The following SRRT variants were observed in gnomAD, a reference collection of about 807,000 sequenced individuals.
SRRT encodes the protein serrate RNA effector molecule homolog.
SRRT carries 32 observed loss-of-function variants against 103.2 expected under a neutral mutation model. That is an observed-to-expected ratio of 0.31 (90% CI 0.23 to 0.42). SRRT has a LOEUF of 0.42. SRRT is among the 10% of genes least tolerant of loss of function. SRRT has a pLI of 1.00. For synonymous variants in SRRT, 525 were observed against 449.0 expected (o/e 1.17, Z -2.14); for missense variants, 986 against 1,207.5 (o/e 0.82, Z 2.72).
Position 100,884,851 on chromosome 7 carries a change from T to C in SRRT, c.1041+13T>C, listed in dbSNP as rs926298052. 3.7e-6 allele frequency: 6 copies of C among 1,613,774 alleles called. No homozygotes were observed. The highest frequency in any genetic ancestry group is 1.1e-5 in the South Asian group (1 of 91,034). On this transcript the variant is annotated intron_variant, in intron 8 of 19. Transcript: ENST00000611405. Reference sequence around the variant, plus strand: ...GGAAGCCAAAAAGGTGAGGTGTCTGTGGCCTGGGGTCAGAGTGTTGGGGCT... The same window carrying C: ...GGAAGCCAAAAAGGTGAGGTGTCTGCGGCCTGGGGTCAGAGTGTTGGGGCT...
At chr7:100,886,140 C>T (rs550706424) in intron 12 of SRRT, 107 bp from the exon 13 acceptor site, 24 of 1,368,534 alleles carry the variant, frequency 1.8e-5, no homozygotes, top group East Asian at 7.1e-5. Context: ...CCAGGGAGCT[C>T]GCAGTCTGAT....
At position 100,888,636 on chromosome 7, in the gene SRRT, T is replaced by C; in HGVS notation, c.*87T>C. 3 of 1,552,234 alleles carry C rather than the reference T, an allele frequency of 1.9e-6. No homozygotes were observed. The highest frequency in any genetic ancestry group is 2.7e-6 in the Non-Finnish European group (3 of 1,125,182). ...CTGAGAATTTTTTGTACGATCAGCC[T>C]TACTGCTAATAAAAGCACTTCCACA... is the stretch of plus-strand genomic sequence containing the variant. On this transcript the variant is annotated 3_prime_UTR_variant, in exon 20 of 20. Coordinates refer to ENST00000611405, the MANE Select transcript of SRRT (RefSeq NM_015908.6).
Position 100,882,298 on chromosome 7 carries a change from G to T in SRRT, c.587+57G>T. The T allele has an allele frequency of 6.4e-7, 1 of 1,574,272 alleles. No homozygotes were observed. Among genetic ancestry groups the T allele is most frequent in the Non-Finnish European group, 8.7e-7 (1 of 1,154,138 alleles). ...CTGGCATGTCCCCCTGGCCCCGCTG[G>T]TGGAGCCACAGCCCTGTCCTCTTCC... On this transcript the variant is annotated intron_variant, in intron 5 of 19. Transcript: ENST00000611405. This position sits in a 1 kb window ranked among gnomAD's most constrained non-coding sequence, Gnocchi z 4.2.
intron 4 of SRRT, 85 bp downstream of exon 4, chr7:100,881,890 G>T (rs562831046): frequency 1.3e-6 from 2 of 1,513,580 alleles, no homozygotes; most frequent in East Asian, 2.3e-5. Flanking sequence ...GCCAGGGAGC[G>T]GGTCAGGCAC....
chr7:100,877,535 T>G (rs1815863870), intron 2 of SRRT, among the ~76,000 whole-genome samples: 1 of 151,966 alleles, frequency 6.6e-6, no homozygotes, highest in African/African-American at 2.4e-5. Flanking sequence ...AAAAAATTTT[T>G]TTTTGACACA....
chr7:100,875,283 A>G lies in SRRT; in HGVS notation c.-64A>G, dbSNP rs1815556644. On this transcript the variant is annotated 5_prime_UTR_variant, in exon 1 of 20. Transcript: ENST00000611405. ...CGCCCGCGACCCAGGTCGCCCTGAA[A>G]TCTAGCCCGTCCGAGCGCGAGTCCA... is the stretch of plus-strand genomic sequence containing the variant. 1 of 871,686 alleles carries G rather than the reference A, an allele frequency of 1.1e-6. No individual in the cohort carries two copies. The highest frequency in any genetic ancestry group is 1.5e-6 in the Non-Finnish European group (1 of 664,346). The allele number at this position is 871,686 out of a possible 1,614,324, so 54.0% of individuals were successfully genotyped here.
rs766065934 is a variant in SRRT, at chr7:100,888,377, G to A, written c.2549G>A (p.Arg850His). 41 of 1,613,790 alleles carry A rather than the reference G, an allele frequency of 2.5e-5. 1 individual carries two copies. Among genetic ancestry groups the A allele is most frequent in the Non-Finnish European group, 3.5e-5 (41 of 1,179,816 alleles). ...CAGGGAGGTTATCCTGGGAAACCTC[G>A]CAACAGGTGAGGAGGGCAGACGCCC... ...RGQGGYPGKP[R>H]NRMVRGDPRA... Residue 850 changes from arginine (R) to histidine (H), a missense_variant, in exon 19 of 20, where the codon CGC becomes CAC. Arg to His is a conservative substitution (Grantham distance 29). Transcript: ENST00000611405.
In SRRT at chr7:100,884,447, G is replaced by A. The variant is rs1789884858; in HGVS notation, c.837G>A (p.Lys279=). The A allele has an allele frequency of 1.2e-6, 2 of 1,613,786 alleles. No homozygotes were observed. The highest frequency in any genetic ancestry group is 1.3e-5 in the African/African-American group (1 of 75,006). ...EQEEEEEQAG[K]PGEPSKKEEG... ...AGGAGGAGGAGGAGCAGGCAGGAAAGCCTGGGGAGCCCAGCAAGAAAGAAG... is the reference window on the plus strand; with the variant it reads ...AGGAGGAGGAGGAGCAGGCAGGAAAACCTGGGGAGCCCAGCAAGAAAGAAG... The change falls in exon 7 of 20, where the codon AAG becomes AAA. Residue 279 remains lysine (K), a synonymous_variant. Coordinates refer to ENST00000611405, the MANE Select transcript of SRRT (RefSeq NM_015908.6).
At chr7:100,886,691 C>T (rs923051026) in intron 13 of SRRT, 104 bp from the exon 14 acceptor site, 1 of 1,324,422 alleles carries the variant, frequency 7.6e-7, no homozygotes, top group South Asian at 1.3e-5. Flanking sequence ...CCATTTATGT[C>T]CGGTGAACTC....
Position 100,884,741 on chromosome 7 carries a change from C to T in SRRT, c.944C>T (p.Ala315Val), listed in dbSNP as rs1789920397. ...CCCAGTGGTTGTCTCTTACCATAGGCTGAGAATGACAGTTCTAATGATGAC... is the reference window on the plus strand; with the variant it reads ...CCCAGTGGTTGTCTCTTACCATAGGTTGAGAATGACAGTTCTAATGATGAC... ...KDEKKEDGKQAENDSSNDDKT... is the reference protein window; with the variant it reads ...KDEKKEDGKQVENDSSNDDKT... The change falls in exon 8 of 20, where the codon GCT becomes GTT. Residue 315 changes from alanine to valine, a missense_variant and splice_region_variant. Around this residue, in one of 6 missense-constraint regions of SRRT, gnomAD observed 166 missense variants for 148.6 expected, o/e 1.12. Transcript: ENST00000611405. 6.2e-7 allele frequency: 1 copy of T among 1,613,642 alleles called. No homozygotes were observed. Among genetic ancestry groups the T allele is most frequent in the Non-Finnish European group, 8.5e-7 (1 of 1,179,778 alleles).
intron 2 of SRRT, among the ~76,000 whole-genome samples, chr7:100,878,869 CCTA>C (rs1487137634): frequency 6.6e-6 from 1 of 151,942 alleles, no homozygotes; most frequent in Non-Finnish European, 1.5e-5. Context: ...ACCCAGCTAA[CCTA>C]CTTTCTTCCT....
chr7:100,876,546 T>G (rs1815729964), intron 2 of SRRT, among the ~76,000 whole-genome samples: 1 of 152,172 alleles, frequency 6.6e-6, no homozygotes, highest in Non-Finnish European at 1.5e-5. Flanking sequence ...AATATAGAGT[T>G]GATCTGACTG....
At chr7:100,876,146 T>G (rs1295629061) in intron 2 of SRRT, among the ~76,000 whole-genome samples, 1 of 152,128 alleles carries the variant, frequency 6.6e-6, no homozygotes, top group Non-Finnish European at 1.5e-5. Flanking sequence ...CCGCCTAACT[T>G]TTAAAAATTA....
At chr7:100,880,013 C>G (rs1208760110) in intron 2 of SRRT, among the ~76,000 whole-genome samples, 1 of 152,148 alleles carries the variant, frequency 6.6e-6, no homozygotes, top group African/African-American at 2.4e-5. Flanking sequence ...GGAAGGTCTG[C>G]CTGCCAGTGG....
intron 2 of SRRT, among the ~76,000 whole-genome samples, chr7:100,879,583 A>C (rs149190753): frequency 1.3e-5 from 2 of 152,230 alleles, no homozygotes; most frequent in African/African-American, 4.8e-5. Flanking sequence ...CTTACTGTGT[A>C]ATTTAAAAAT....
intron 2 of SRRT, chr7:100,875,983 T>C (rs1815655218): frequency 8.1e-6 from 3 of 369,682 alleles, no homozygotes; most frequent in South Asian, 2.4e-5. Flanking sequence ...GCTTTTTTGC[T>C]TTTTTTTGTT....
chr7:100,886,059 T>C, intron 12 of SRRT, 118 bp downstream of exon 12: 1 of 1,368,900 alleles, frequency 7.3e-7, no homozygotes, highest in Non-Finnish European at 1.0e-6. Context: ...TTGACCGTTT[T>C]GTCTGGCTAC....
intron 7 of SRRT, 93 bp downstream of exon 7, chr7:100,884,645 A>T (rs541799837): frequency 5.3e-6 from 8 of 1,504,298 alleles, no homozygotes; most frequent in Non-Finnish European, 5.4e-6. Context: ...GGGGCTGGGG[A>T]AAATGAACCT....
At position 100,885,768 on chromosome 7, in the gene SRRT, T is replaced by C. The variant is rs200971072; in HGVS notation, c.1379+6T>C. ...GAGCCCCAGCCAGAGAGGAGGTGAG[T>C]AACTCGGTGCGTTGGAGGGAAAAGT... On this transcript the variant is annotated splice_donor_region_variant and intron_variant, in intron 11 of 19. Coordinates refer to ENST00000611405, the MANE Select transcript of SRRT (RefSeq NM_015908.6). The surrounding 1 kb of genome is among the most constrained non-coding windows in gnomAD (Gnocchi z 4.8). 1.7e-4 allele frequency: 277 copies of C among 1,591,686 alleles called. No homozygotes were observed. The highest frequency in any genetic ancestry group is 5.5e-5 in the Non-Finnish European group (64 of 1,159,854).
Sources: allele counts gnomAD v4.1 joint callset (sites outside exome capture counted in the v4.1 genomes callset), GRCh38; gene constraint gnomAD v4.1.1; regional missense constraint gnomAD v4.1.1; non-coding constraint Gnocchi (gnomAD v3.1); transcripts MANE v1.5; gene names NCBI Gene and HGNC (gene_info 2026-07-23, HGNC 2026-07-21).